AKR1C8: variants seen among roughly 807,000 people sequenced by gnomAD.
AKR1C8 encodes aldo-keto reductase family 1 member C-like protein 1.
the AKR1C8 span, chr10:5,154,447 A>T: frequency 3.9e-6 from 1 of 259,454 alleles, no homozygotes; most frequent in Non-Finnish European, 7.8e-6. Flanking sequence ...TTTTATGTTC[A>T]TTTTTCTTTT....
the AKR1C8 span, among the ~76,000 whole-genome samples, chr10:5,135,545 T>C: frequency 6.7e-6 from 1 of 149,934 alleles, no homozygotes; most frequent in Non-Finnish European, 1.5e-5. Flanking sequence ...CTATCTATTA[T>C]CTATCTATCT....
the AKR1C8 span, chr10:5,155,354 G>A: frequency 1.3e-5 from 2 of 152,746 alleles, no homozygotes; most frequent in African/African-American, 4.8e-5. Context: ...GGCCCCTATA[G>A]GTTTGTAGGT....
At chr10:5,134,109 T>C in the AKR1C8 span, among the ~76,000 whole-genome samples, 1 of 152,158 alleles carries the variant, frequency 6.6e-6, no homozygotes, top group Non-Finnish European at 1.5e-5. Context: ...TTTCAGAAGC[T>C]TTCTATTTTC....
At chr10:5,142,570 G>T in the AKR1C8 span, among the ~76,000 whole-genome samples, 1 of 152,060 alleles carries the variant, frequency 6.6e-6, no homozygotes, top group East Asian at 1.9e-4. Context: ...GTTACAATTT[G>T]ACCTAGTTTT....
the AKR1C8 span, chr10:5,161,882 T>G: frequency 3.7e-6 from 2 of 533,858 alleles, no homozygotes; most frequent in South Asian, 2.8e-5. Context: ...ACATGAATAA[T>G]GAAGAGATCT....
chr10:5,158,607 G>A, the AKR1C8 span: 3 of 475,990 alleles, frequency 6.3e-6, no homozygotes, highest in African/African-American at 4.0e-5. Flanking sequence ...TACCACTGTG[G>A]GTCTCTTTGG....
chr10:5,117,777 AAAGT>A, the AKR1C8 span, among the ~76,000 whole-genome samples: 1 of 152,146 alleles, frequency 6.6e-6, no homozygotes, highest in African/African-American at 2.4e-5. Context: ...GCAAGAGAGG[AAAGT>A]AAGGTGCCAG....
chr10:5,176,991 C>T, the AKR1C8 span, among the ~76,000 whole-genome samples: 5 of 151,946 alleles, frequency 3.3e-5, no homozygotes, highest in Admixed American at 6.6e-5. Context: ...CCTAATTGCC[C>T]TGGCCAGAAC....
At chr10:5,156,700 A>T in the AKR1C8 span, among the ~76,000 whole-genome samples, 6 of 152,324 alleles carry the variant, frequency 3.9e-5, no homozygotes, top group Admixed American at 3.9e-4. Flanking sequence ...TGGATCAAAA[A>T]ATAAAATGGG....
At chr10:5,140,731 G>T in the AKR1C8 span, among the ~76,000 whole-genome samples, 1 of 138,238 alleles carries the variant, frequency 7.2e-6, no homozygotes, top group Non-Finnish European at 1.5e-5. Context: ...AACCAACATG[G>T]CACATGTACA....
the AKR1C8 span, among the ~76,000 whole-genome samples, chr10:5,168,024 TAA>T: frequency 8.6e-5 from 13 of 150,958 alleles, no homozygotes; most frequent in Non-Finnish European, 1.8e-4. Flanking sequence ...TCCACCAGAT[TAA>T]AAAAAAAGAC....
At chr10:5,161,835 C>A in the AKR1C8 span, 1 of 534,536 alleles carries the variant, frequency 1.9e-6, no homozygotes, top group South Asian at 1.4e-5. Context: ...TTGGGCATAA[C>A]AAGGAAAAAC....
At chr10:5,178,185 G>C in the AKR1C8 span, among the ~76,000 whole-genome samples, 19 of 152,108 alleles carry the variant, frequency 1.2e-4, no homozygotes, top group African/African-American at 4.6e-4. Flanking sequence ...TTGTGTCTTT[G>C]TTCTCATTGG....
chr10:5,164,890 C>T, the AKR1C8 span, among the ~76,000 whole-genome samples: 2 of 152,150 alleles, frequency 1.3e-5, no homozygotes, highest in African/African-American at 2.4e-5. Context: ...TTTCCTACTG[C>T]ATTTTCTTTC....
chr10:5,146,113 C>T, the AKR1C8 span, among the ~76,000 whole-genome samples: 7 of 149,794 alleles, frequency 4.7e-5, no homozygotes, highest in Admixed American at 6.7e-5. Flanking sequence ...AAACCAAACA[C>T]CGCATATTCT....
chr10:5,155,794 A>G, the AKR1C8 span: 1 of 455,848 alleles, frequency 2.2e-6, no homozygotes. Context: ...ACCCCTCCCC[A>G]GGGCAGCAGC....
At chr10:5,125,084 CA>C in the AKR1C8 span, among the ~76,000 whole-genome samples, 1 of 151,254 alleles carries the variant, frequency 6.6e-6, no homozygotes, top group South Asian at 2.1e-4. Context: ...ATTTATTTAC[CA>C]CTTATTTAAC....
At chr10:5,151,858 C>CT in the AKR1C8 span, among the ~76,000 whole-genome samples, 1 of 151,996 alleles carries the variant, frequency 6.6e-6, no homozygotes, top group Non-Finnish European at 1.5e-5. Flanking sequence ...CACCCAGCCC[C>CT]TTTGAGTTTT....
the AKR1C8 span, among the ~76,000 whole-genome samples, chr10:5,148,684 A>T: frequency 6.6e-6 from 1 of 152,170 alleles, no homozygotes; most frequent in African/African-American, 2.4e-5. Context: ...GCGCTCAATA[A>T]ATCTACATTT....
Sources: gnomAD v4.1 joint callset for allele counts (sites outside exome capture counted in the v4.1 genomes callset) on GRCh38, gnomAD v4.1.1 for gene constraint, MANE v1.5 for transcripts, NCBI Gene and HGNC (gene_info 2026-07-23, HGNC 2026-07-21) for gene names.